Variants in STAT4 observed in about 807,000 individuals in gnomAD.
STAT4 encodes the protein signal transducer and activator of transcription 4.
In STAT4, 42 loss-of-function variants were observed where a neutral mutation model predicts 110.5. The observed-to-expected ratio is 0.38, with a 90% CI of 0.30 to 0.49. STAT4 has a LOEUF of 0.49. Among genes scored for constraint, STAT4 ranks in the 20% least tolerant of loss-of-function variants. The pLI is 0.95. For missense variants in STAT4, 632 were observed against 887.9 expected, an observed-to-expected ratio of 0.71 and a Z score of 3.66; for synonymous variants, 284 against 302.2, an observed-to-expected ratio of 0.94 and a Z score of 0.63.
rs964799096 is a variant in STAT4 at position 191,039,378 on chromosome 2, G to A, written c.1336-81C>T. 8.0e-6 allele frequency: 10 copies of A among 1,255,660 alleles called. No homozygotes were observed. The highest frequency in any genetic ancestry group is 1.5e-5 in the African/African-American group (1 of 67,938). The allele number at this position is 1,255,660 out of a possible 1,614,324, so 77.8% of individuals were successfully genotyped here. A position where few individuals can be genotyped will look rare whatever the true frequency, so the allele number is the denominator to read the frequency against. On this transcript the variant is annotated intron_variant, in intron 15 of 23. Transcript: ENST00000392320. This position sits in a 1 kb window ranked among gnomAD's most constrained non-coding sequence, Gnocchi z 4.7. ...CTTATGCTTGACCCTCGCCTCTAAA[G>A]GGCCAATCTCAAGCCAGCCCCACAC...
At chr2:191,141,695 A>G (rs1464678053) in intron 3 of STAT4, among the ~76,000 whole-genome samples, 2 of 151,502 alleles carry the variant, frequency 1.3e-5, no homozygotes, top group East Asian at 1.9e-4. Context: ...CAGTGGCACT[A>G]TCTCGGCTCA....
chr2:191,145,017 C>G (rs1280585440), intron 3 of STAT4, among the ~76,000 whole-genome samples: 1 of 152,074 alleles, frequency 6.6e-6, no homozygotes, highest in Non-Finnish European at 1.5e-5. Context: ...GCAAAGTGAC[C>G]TATGGACTCT....
Position 191,039,106 on chromosome 2 carries a change from C to T in STAT4, c.1434+93G>A. 9.1e-7 allele frequency: 1 copy of T among 1,099,144 alleles called. No individual in the cohort carries two copies. Among genetic ancestry groups the T allele is most frequent in the Non-Finnish European group, 1.4e-6 (1 of 715,590 alleles). 68.1% of individuals were successfully genotyped at this position (1,099,144 alleles called of 1,614,324 possible). A position where few individuals can be genotyped will look rare whatever the true frequency, so the allele number is the denominator to read the frequency against. On this transcript the variant is annotated intron_variant, in intron 16 of 23. Transcript: ENST00000392320. This position sits in a 1 kb window ranked among gnomAD's most constrained non-coding sequence, Gnocchi z 4.7. ...ATAAAGCAACTCTCACCCCACACCC[C>T]ACTGGCACACACATGTTTTGATGCA...
intron 16 of STAT4, 137 bp from the exon 17 acceptor site, chr2:191,036,436 G>T: frequency 1.1e-6 from 1 of 895,616 alleles, no homozygotes; most frequent in Non-Finnish European, 1.7e-6. Context: ...GTGATAGTCA[G>T]GCAGTTAACT....
At chr2:191,056,105 G>A (rs1345669938) in intron 13 of STAT4, among the ~76,000 whole-genome samples, 1 of 152,164 alleles carries the variant, frequency 6.6e-6, no homozygotes, top group Non-Finnish European at 1.5e-5. Context: ...TTAGAAAGTA[G>A]ACATTTTATC....
At chr2:191,052,010 T>A (rs952384717) in intron 14 of STAT4, among the ~76,000 whole-genome samples, 1 of 152,236 alleles carries the variant, frequency 6.6e-6, no homozygotes, top group Non-Finnish European at 1.5e-5. Flanking sequence ...TTGAAGACAT[T>A]CTTAGCAGGC....
At chr2:191,073,242 A>G in intron 4 of STAT4, 52 bp from the exon 5 acceptor site, 3 of 1,435,618 alleles carry the variant, frequency 2.1e-6, no homozygotes, top group Non-Finnish European at 2.9e-6. Flanking sequence ...GTTTATGATG[A>G]ATGCAATACA....
chr2:191,119,663 A>G (rs1392018583), intron 3 of STAT4, among the ~76,000 whole-genome samples: 1 of 152,176 alleles, frequency 6.6e-6, no homozygotes. Flanking sequence ...ATTTGTTGAA[A>G]TTGTCAAGCT....
chr2:191,040,419 A>G (rs150206892), intron 15 of STAT4, among the ~76,000 whole-genome samples: 1 of 152,316 alleles, frequency 6.6e-6, no homozygotes, highest in East Asian at 1.9e-4. Context: ...AAGCTCAAGG[A>G]TACTTATTTC....
At chr2:191,078,949 G>A (rs1376255793) in intron 3 of STAT4, among the ~76,000 whole-genome samples, 7 of 152,020 alleles carry the variant, frequency 4.6e-5, no homozygotes, top group Non-Finnish European at 7.4e-5. Context: ...TGTTAATAAT[G>A]AGAGTTTTCT....
intron 3 of STAT4, among the ~76,000 whole-genome samples, chr2:191,105,055 A>G (rs1698240195): frequency 6.6e-6 from 1 of 152,240 alleles, no homozygotes; most frequent in African/African-American, 2.4e-5. Flanking sequence ...AATAAAAGAC[A>G]TATTTAAATC....
intron 13 of STAT4, among the ~76,000 whole-genome samples, chr2:191,055,950 T>A (rs1037181923): frequency 1.3e-5 from 2 of 152,144 alleles, no homozygotes; most frequent in African/African-American, 4.8e-5. Context: ...GAATTGAGCC[T>A]AACAAAAAAG....
At chr2:191,075,961 C>A in intron 4 of STAT4, 1 of 280,672 alleles carries the variant, frequency 3.6e-6, no homozygotes, top group Non-Finnish European at 6.8e-6. Context: ...AGTGATCCTT[C>A]TATCTCAGCC....
At chr2:191,034,108 G>A in intron 18 of STAT4, 103 bp from the exon 19 acceptor site, 3 of 812,698 alleles carry the variant, frequency 3.7e-6, no homozygotes. Flanking sequence ...CTTTAAACTG[G>A]ACAACACCTT....
rs1696517211 is a variant in STAT4 at position 191,051,346 on chromosome 2, A to T, written c.1251+3144T>A. 6.6e-6 allele frequency among the ~76,000 whole-genome samples: 1 copy of T among 152,238 alleles called. No individual in the cohort carries two copies. Among genetic ancestry groups the T allele is most frequent in the African/African-American group, 2.4e-5 (1 of 41,466 alleles). On this transcript the variant is annotated intron_variant, in intron 14 of 23. Transcript: ENST00000392320. This position sits in a 1 kb window ranked among gnomAD's most constrained non-coding sequence, Gnocchi z 5.6. ...CTGATCTGTAAATGCCATCACCAAC[A>T]TCTACACAGCCCACCACCACTGACT...
rs550946114 is a variant in STAT4 at position 191,113,158 on chromosome 2, C to T, written c.273+33455G>A. Among the ~76,000 whole-genome samples the T allele has an allele frequency of 5.9e-5, 9 of 152,328 alleles. 1 individual carries two copies. In the South Asian group the frequency reaches 1.7e-3, roughly 28 times the overall value. ...TGCTCACACCTTTGCTTATGAAGAT[C>T]CTGCCCATACAATTACAGCCAGTGC... On this transcript the variant is annotated intron_variant, in intron 3 of 23. Transcript: ENST00000392320. The surrounding 1 kb of genome is among the most constrained non-coding windows in gnomAD (Gnocchi z 4.8).
intron 3 of STAT4, among the ~76,000 whole-genome samples, chr2:191,076,572 C>T (rs567094746): frequency 2.6e-5 from 4 of 151,918 alleles, no homozygotes; most frequent in South Asian, 2.1e-4. Flanking sequence ...AAATGGTTCT[C>T]GAGCACCTTT....
intron 3 of STAT4, among the ~76,000 whole-genome samples, chr2:191,128,726 A>G (rs1198907012): frequency 6.6e-6 from 1 of 152,186 alleles, no homozygotes; most frequent in Non-Finnish European, 1.5e-5. Context: ...CTGAGTTTAA[A>G]ACTCTCACTA....
chr2:191,125,651 C>T (rs1698863851), intron 3 of STAT4, among the ~76,000 whole-genome samples: 1 of 151,768 alleles, frequency 6.6e-6, no homozygotes, highest in African/African-American at 2.4e-5. Context: ...GCTACCATGC[C>T]CAACTAATTT....
Sources: gnomAD v4.1 joint callset for allele counts (sites outside exome capture counted in the v4.1 genomes callset) on GRCh38, gnomAD v4.1.1 for gene constraint, Gnocchi (gnomAD v3.1) non-coding constraint, MANE v1.5 for transcripts, NCBI Gene and HGNC (gene_info 2026-07-23, HGNC 2026-07-21) for gene names.